The following EIF4G3 variants were observed in gnomAD, a reference collection of about 807,000 sequenced individuals.
EIF4G3 encodes eukaryotic translation initiation factor 4 gamma 3.
A neutral mutation model predicts 186.4 loss-of-function variants in EIF4G3; 34 were observed. That is an observed-to-expected ratio of 0.18 (90% CI 0.14 to 0.24). The LOEUF (loss-of-function observed/expected upper bound fraction) is 0.24. EIF4G3 is among the 10% of genes least tolerant of loss of function. The probability of loss-of-function intolerance (pLI) is 1.00; values close to 1 mark genes in which losing one functional copy is unlikely to be tolerated. For missense variants in EIF4G3, 1,536 were observed against 1,948.5 expected, an observed-to-expected ratio of 0.79 and a Z score of 3.99; for synonymous variants, 673 against 679.5, an observed-to-expected ratio of 0.99 and a Z score of 0.15.
At chr1:21,163,382 A>G (rs1160243873) in intron 2 of EIF4G3, among the ~76,000 whole-genome samples, 1 of 152,258 alleles carries the variant, frequency 6.6e-6, no homozygotes, top group East Asian at 1.9e-4. Flanking sequence ...CAACAATGTA[A>G]CACAGGGAGT....
intron 7 of EIF4G3, among the ~76,000 whole-genome samples, chr1:20,991,070 A>T (rs2080987700): frequency 6.6e-6 from 1 of 152,240 alleles, no homozygotes; most frequent in African/African-American, 2.4e-5. Context: ...ACATAATGGG[A>T]CATCACTCAG....
At chr1:20,844,462 CTGTT>C (rs1034958277) in intron 29 of EIF4G3, among the ~76,000 whole-genome samples, 5 of 151,394 alleles carry the variant, frequency 3.3e-5, no homozygotes. Flanking sequence ...TGAGTACTGT[CTGTT>C]CATGTCCTTT....
chr1:21,069,884 GA>G (rs1353081812), intron 3 of EIF4G3, among the ~76,000 whole-genome samples: 20 of 152,124 alleles, frequency 1.3e-4, no homozygotes, highest in African/African-American at 4.6e-4. Context: ...GTAAGAATGA[GA>G]TTTTTTTTGT....
rs368239817 is a variant in EIF4G3 at position 21,141,644 on chromosome 1, T to C, written c.-272+34531A>G. ...GAAAAATGTTTTTAAAATTTTCTAA[T>C]TAGGCCAGAAACAGTGGCTCATGCC... On this transcript the variant is annotated intron_variant, in intron 2 of 36. Coordinates refer to ENST00000602326, the MANE Select transcript of EIF4G3 (RefSeq NM_001391906.1). 3.3e-5 allele frequency among the ~76,000 whole-genome samples: 5 copies of C among 152,262 alleles called. No homozygotes were observed. In the South Asian group the frequency reaches 1.0e-3, roughly 32 times the overall value.
chr1:21,016,474 C>T (rs977901367), intron 4 of EIF4G3, among the ~76,000 whole-genome samples: 1 of 151,822 alleles, frequency 6.6e-6, no homozygotes, highest in African/African-American at 2.4e-5. Context: ...TTACTTGAGC[C>T]CAGGAATTGG....
At chr1:20,990,033 C>A (rs1307522315) in intron 7 of EIF4G3, among the ~76,000 whole-genome samples, 1 of 152,060 alleles carries the variant, frequency 6.6e-6, no homozygotes, top group Non-Finnish European at 1.5e-5. Flanking sequence ...AAAAAATTAG[C>A]CAGATGTGGT....
At position 20,827,713 on chromosome 1, in the gene EIF4G3, A is replaced by C; in HGVS notation, c.4188-15T>G. The C allele has an allele frequency of 6.4e-7, 1 of 1,557,742 alleles. No individual in the cohort carries two copies. The highest frequency in any genetic ancestry group is 1.1e-5 in the South Asian group (1 of 89,736). ...TGCTAAATTCTCTGTAAAAGATAGGAGCAGTGATTAAGTATCTCTAAAGAA... is the reference window on the plus strand; with the variant it reads ...TGCTAAATTCTCTGTAAAAGATAGGCGCAGTGATTAAGTATCTCTAAAGAA... On this transcript the variant is annotated splice_polypyrimidine_tract_variant and intron_variant, in intron 31 of 36. Coordinates refer to ENST00000602326, the MANE Select transcript of EIF4G3 (RefSeq NM_001391906.1).
At chr1:20,816,443 G>A (rs1262594753) in intron 34 of EIF4G3, among the ~76,000 whole-genome samples, 3 of 125,160 alleles carry the variant, frequency 2.4e-5, no homozygotes, top group Non-Finnish European at 5.2e-5. Context: ...GCCCCTACTG[G>A]GAAGTGAGGA....
chr1:20,889,652 G>A (rs1194752675), intron 18 of EIF4G3, among the ~76,000 whole-genome samples: 5 of 151,914 alleles, frequency 3.3e-5, no homozygotes, highest in African/African-American at 9.7e-5. Flanking sequence ...CACCACACCC[G>A]GCTAATTTTT....
intron 20 of EIF4G3, among the ~76,000 whole-genome samples, chr1:20,878,704 G>GA (rs2081512936): frequency 6.6e-6 from 1 of 152,190 alleles, no homozygotes; most frequent in African/African-American, 2.4e-5. Flanking sequence ...AACAGGAAGA[G>GA]AAAACAGATG....
chr1:20,862,935 C>T (rs571457601), intron 22 of EIF4G3, among the ~76,000 whole-genome samples: 17 of 152,088 alleles, frequency 1.1e-4, no homozygotes, highest in South Asian at 1.0e-3. Flanking sequence ...TATGCCACTA[C>T]ACCCAGCTAA....
At chr1:21,080,483 T>C (rs1557861368) in intron 3 of EIF4G3, among the ~76,000 whole-genome samples, 1 of 152,058 alleles carries the variant, frequency 6.6e-6, no homozygotes, top group Non-Finnish European at 1.5e-5. Context: ...AGAAGTAATT[T>C]AAATAATTTA....
chr1:21,014,804 T>C (rs1357451905), intron 4 of EIF4G3, among the ~76,000 whole-genome samples: 1 of 152,036 alleles, frequency 6.6e-6, no homozygotes, highest in East Asian at 1.9e-4. Flanking sequence ...CGGCTAGTTT[T>C]AGTATTTTTA....
chr1:21,000,055 G>T (rs2083162001), intron 6 of EIF4G3, among the ~76,000 whole-genome samples: 1 of 150,290 alleles, frequency 6.7e-6, no homozygotes, highest in African/African-American at 2.4e-5. Context: ...CAATGGTTAC[G>T]TTACTACAAA....
At chr1:21,160,107 CAAA>C (rs34145998) in intron 2 of EIF4G3, among the ~76,000 whole-genome samples, 5 of 114,100 alleles carry the variant, frequency 4.4e-5, no homozygotes, top group Admixed American at 8.6e-5. Context: ...AACTCCATCT[CAAA>C]AAAAAAAAAA....
chr1:21,002,641 A>G, intron 5 of EIF4G3, 72 bp downstream of exon 5: 1 of 1,465,496 alleles, frequency 6.8e-7, no homozygotes, highest in Non-Finnish European at 9.1e-7. Flanking sequence ...ATATTTGCCA[A>G]AGAAACCCAA....
chr1:20,827,614 C>T lies in EIF4G3; in HGVS notation c.4269+3G>A. On this transcript the variant is annotated splice_donor_region_variant and intron_variant, in intron 32 of 36. Transcript: ENST00000602326. ...TGAGTCTGACACTCAGTGTAACACT[C>T]ACCATTTGTTTGCATAGTAGGTGCA... 1 of 1,588,258 alleles carries T rather than the reference C, an allele frequency of 6.3e-7. No homozygotes were observed. The highest frequency in any genetic ancestry group is 8.6e-7 in the Non-Finnish European group (1 of 1,157,196).
intron 7 of EIF4G3, among the ~76,000 whole-genome samples, chr1:20,989,022 G>A (rs1384817416): frequency 8.5e-6 from 1 of 117,714 alleles, no homozygotes; most frequent in African/African-American, 3.3e-5. Flanking sequence ...GTAACATCGT[G>A]AGACCCTATT....
chr1:21,154,309 T>C (rs1240083828), intron 2 of EIF4G3, among the ~76,000 whole-genome samples: 1 of 152,166 alleles, frequency 6.6e-6, no homozygotes, highest in African/African-American at 2.4e-5. Context: ...GTCAAGGGCG[T>C]ATTTTTTTTA....
Sources: gnomAD v4.1 joint callset for allele counts (sites outside exome capture counted in the v4.1 genomes callset) on GRCh38, gnomAD v4.1.1 for gene constraint, MANE v1.5 for transcripts, NCBI Gene and HGNC (gene_info 2026-07-23, HGNC 2026-07-21) for gene names.